CCDC174: variants seen among roughly 807,000 people sequenced by gnomAD.
CCDC174 encodes coiled-coil domain containing 174.
Under a neutral mutation model 57.1 loss-of-function variants are expected in CCDC174, and 37 were observed. The ratio of observed to expected loss-of-function variants is 0.65; its 90% CI spans 0.50 to 0.85. The LOEUF (loss-of-function observed/expected upper bound fraction) is 0.85, where lower values mean the gene tolerates loss of function less well. Among genes scored for constraint, CCDC174 ranks in the 40% least tolerant of loss-of-function variants. CCDC174 has a pLI of 0.00. For synonymous variants in CCDC174, 182 were observed against 190.2 expected (o/e 0.96, Z 0.35); for missense variants, 540 against 574.3 (o/e 0.94, Z 0.61).
intron 5 of CCDC174, 21 bp downstream of exon 5, chr3:14,661,728 G>C (rs777035542): frequency 2.5e-6 from 4 of 1,590,416 alleles, no homozygotes; most frequent in Admixed American, 1.8e-5. Context: ...TCATGGATTA[G>C]CTCAGAGGAA....
At chr3:14,661,451 C>A in intron 4 of CCDC174, 79 bp from the exon 5 acceptor site, 1 of 1,233,596 alleles carries the variant, frequency 8.1e-7, no homozygotes, top group Non-Finnish European at 1.1e-6. Flanking sequence ...GGCCACCAGG[C>A]AATGAATGTG....
chr3:14,669,714 C>T (rs769865038), intron 9 of CCDC174, among the ~76,000 whole-genome samples: 3 of 152,150 alleles, frequency 2.0e-5, no homozygotes, highest in Non-Finnish European at 4.4e-5. Context: ...TTTTCCCCCT[C>T]TATAAAATGG....
intron 7 of CCDC174, 159 bp from the exon 8 acceptor site, chr3:14,667,265 C>T: frequency 1.5e-6 from 1 of 665,326 alleles, no homozygotes; most frequent in Non-Finnish European, 2.6e-6. Flanking sequence ...TTTTGTGTTT[C>T]TTTGGTTTTT....
chr3:14,668,591 C>T (rs371430490), intron 9 of CCDC174, among the ~76,000 whole-genome samples: 2 of 152,150 alleles, frequency 1.3e-5, no homozygotes, highest in East Asian at 3.9e-4. Flanking sequence ...ATATGAATAT[C>T]GACAGCTTGC....
chr3:14,657,017 C>A (rs73139843), intron 3 of CCDC174, among the ~76,000 whole-genome samples: 1 of 152,194 alleles, frequency 6.6e-6, no homozygotes, highest in African/African-American at 2.4e-5. Flanking sequence ...CCCCAACAGA[C>A]CTCAGGCTTT....
At chr3:14,652,105 C>T (rs1308580950) in intron 1 of CCDC174, among the ~76,000 whole-genome samples, 1 of 152,198 alleles carries the variant, frequency 6.6e-6, no homozygotes, top group Non-Finnish European at 1.5e-5. Flanking sequence ...CGGGCCAGAA[C>T]CCTCGGACAC....
intron 10 of CCDC174, 24 bp downstream of exon 10, chr3:14,670,110 G>A (rs2031464347): frequency 6.3e-7 from 1 of 1,582,684 alleles, no homozygotes; most frequent in African/African-American, 1.4e-5. Context: ...GCTCTGAGGT[G>A]TAAGAACTCT....
At chr3:14,661,465 GCTT>G in intron 4 of CCDC174, 62 bp from the exon 5 acceptor site, 1 of 1,422,100 alleles carries the variant, frequency 7.0e-7, no homozygotes, top group Non-Finnish European at 9.7e-7. Flanking sequence ...GAATGTGACT[GCTT>G]CTTGTCCATT....
chr3:14,664,914 G>T, intron 5 of CCDC174, 114 bp from the exon 6 acceptor site: 1 of 740,820 alleles, frequency 1.3e-6, no homozygotes, highest in Non-Finnish European at 2.4e-6. Context: ...TGAGGTTGGG[G>T]GCTCTTCTTG....
At position 14,671,776 on chromosome 3, in the gene CCDC174, A is replaced by G. The variant is rs2031522784; in HGVS notation, c.*582A>G. The G allele has an allele frequency of 6.5e-6, 1 of 152,966 alleles. No individual in the cohort carries two copies. Among genetic ancestry groups the G allele is most frequent in the Admixed American group, 6.5e-5 (1 of 15,354 alleles). The allele number at this position is 152,966 out of a possible 1,614,324, so 9.5% of individuals were successfully genotyped here. A position where few individuals can be genotyped will look rare whatever the true frequency, so the allele number is the denominator to read the frequency against. ...AAGTGGGAGTTGTTTACTTAATTTTACTGTCATACCATGCTATTACCTACA... is the reference window on the plus strand; with the variant it reads ...AAGTGGGAGTTGTTTACTTAATTTTGCTGTCATACCATGCTATTACCTACA... On this transcript the variant is annotated 3_prime_UTR_variant, in exon 11 of 11. Transcript: ENST00000383794.
intron 1 of CCDC174, 70 bp downstream of exon 1, chr3:14,651,948 C>A: frequency 6.7e-7 from 1 of 1,494,172 alleles, no homozygotes; most frequent in African/African-American, 1.4e-5. Flanking sequence ...AGAATGTCGA[C>A]CTAGCTTGTT....
In CCDC174 at chr3:14,662,976, A is replaced by G. The variant is rs543271631; in HGVS notation, c.485+1269A>G. The stretch of plus-strand genomic sequence containing the variant: ...CATTTGGAACAGGTGTCAGCCTGCA[A>G]GCTATAAGAAACCAAAAGAGAAGAA... On this transcript the variant is annotated intron_variant, in intron 5 of 10. Coordinates refer to ENST00000383794, the MANE Select transcript of CCDC174 (RefSeq NM_016474.5). Among the ~76,000 whole-genome samples, 21 of 152,314 alleles carry G rather than the reference A, an allele frequency of 1.4e-4. No individual in the cohort carries two copies. The South Asian group carries it at 4.3e-3, about 32-fold the overall frequency.
At chr3:14,655,425 C>T in intron 2 of CCDC174, 104 bp from the exon 3 acceptor site, 1 of 662,734 alleles carries the variant, frequency 1.5e-6, no homozygotes, top group Non-Finnish European at 2.6e-6. Flanking sequence ...TCCATTGATT[C>T]ATAAGAACTC....
chr3:14,654,666 T>C (rs2030892036), intron 2 of CCDC174, 136 bp downstream of exon 2: 1 of 514,524 alleles, frequency 1.9e-6, no homozygotes, highest in Admixed American at 3.9e-5. Flanking sequence ...ATTTAACATC[T>C]GCATGAAATG....
In CCDC174 at chr3:14,668,206, C is replaced by T. The variant is rs189092512; in HGVS notation, c.952+25C>T. On this transcript the variant is annotated intron_variant, in intron 9 of 10. Transcript: ENST00000383794. ...GGTATATCATGGCTATGTTGCTGAA[C>T]TTCAAAAGGGAAAATTTTATTTCCA... 1.9e-5 allele frequency: 30 copies of T among 1,567,596 alleles called. No homozygotes were observed. The African/African-American group carries it at 3.9e-4, about 20-fold the overall frequency.
In CCDC174 at chr3:14,666,307, C is replaced by T. The variant is rs113155420; in HGVS notation, c.582-498C>T. ...GCAAGATTCCGTCAGGCTAAGGTAACAAGTCTGGTGCTTGAGTAAGAAGGG... is the reference window on the plus strand; with the variant it reads ...GCAAGATTCCGTCAGGCTAAGGTAATAAGTCTGGTGCTTGAGTAAGAAGGG... On this transcript the variant is annotated intron_variant, in intron 6 of 10. Transcript: ENST00000383794. Among the ~76,000 whole-genome samples, 119 of 152,166 alleles carry T rather than the reference C, an allele frequency of 7.8e-4. 1 individual carries two copies. The highest frequency in any genetic ancestry group is 9.6e-4 in the Non-Finnish European group (65 of 67,998).
At chr3:14,670,853 T>G in intron 10 of CCDC174, 43 bp from the exon 11 acceptor site, 1 of 1,439,584 alleles carries the variant, frequency 6.9e-7, no homozygotes, top group Non-Finnish European at 9.5e-7. Context: ...ATTCAACTGA[T>G]TCGTTAATCA....
At chr3:14,665,511 T>C (rs1180490596) in intron 6 of CCDC174, among the ~76,000 whole-genome samples, 2 of 152,212 alleles carry the variant, frequency 1.3e-5, no homozygotes, top group Non-Finnish European at 1.5e-5. Flanking sequence ...TTATGTATCA[T>C]TGCATTTTTG....
chr3:14,667,221 TC>T (rs1194868288), intron 7 of CCDC174: 1 of 620,926 alleles, frequency 1.6e-6, no homozygotes, highest in Middle Eastern at 4.4e-4. Flanking sequence ...TTGTTATGCT[TC>T]CCTTGGCAAA....
Sources: allele counts gnomAD v4.1 joint callset (sites outside exome capture counted in the v4.1 genomes callset), GRCh38; gene constraint gnomAD v4.1.1; transcripts MANE v1.5; gene names NCBI Gene and HGNC (gene_info 2026-07-23, HGNC 2026-07-21).